The following NALF1 variants were observed in gnomAD, a reference collection of about 807,000 sequenced individuals.
NALF1 encodes family with sequence similarity 155 member A.
Under a neutral mutation model 48.4 loss-of-function variants are expected in NALF1, and 3 were observed. That is an observed-to-expected ratio of 0.06 (90% CI 0.03 to 0.16). NALF1 has a LOEUF of 0.16. Ranked by LOEUF, NALF1 falls within the 10% of genes least tolerant of loss-of-function variation. NALF1 has a pLI of 1.00. For missense variants in NALF1, 526 were observed against 571.5 expected, an observed-to-expected ratio of 0.92 and a Z score of 0.81; for synonymous variants, 262 against 245.7, an observed-to-expected ratio of 1.07 and a Z score of -0.62.
intron 1 of NALF1, among the ~76,000 whole-genome samples, chr13:107,545,428 T>C (rs1877110599): frequency 6.6e-6 from 1 of 152,140 alleles, no homozygotes. Flanking sequence ...ATTTCTGTTG[T>C]TTTCAGCCAC....
At chr13:107,251,753 A>C (rs1380854681) in intron 1 of NALF1, among the ~76,000 whole-genome samples, 1 of 152,180 alleles carries the variant, frequency 6.6e-6, no homozygotes, top group Admixed American at 6.6e-5. Context: ...TTTCCTAGCC[A>C]TGTTTAAGTG....
At chr13:107,694,515 G>A (rs1365787556) in intron 1 of NALF1, among the ~76,000 whole-genome samples, 2 of 152,058 alleles carry the variant, frequency 1.3e-5, no homozygotes, top group African/African-American at 4.8e-5. Flanking sequence ...CTTGGGGTGG[G>A]AGGTGGAGAT....
intron 1 of NALF1, among the ~76,000 whole-genome samples, chr13:107,818,781 A>G (rs1000643473): frequency 2.9e-5 from 4 of 137,878 alleles, no homozygotes. Context: ...CTGAGGCAGG[A>G]GAATGACGTG....
chr13:107,493,848 C>T (rs770291818), intron 1 of NALF1, among the ~76,000 whole-genome samples: 20 of 152,126 alleles, frequency 1.3e-4, no homozygotes, highest in Non-Finnish European at 1.9e-4. Flanking sequence ...TATAATTGCA[C>T]CATTGGACTC....
At chr13:107,482,475 G>A (rs1885268947) in intron 1 of NALF1, among the ~76,000 whole-genome samples, 1 of 152,034 alleles carries the variant, frequency 6.6e-6, no homozygotes, top group Non-Finnish European at 1.5e-5. Context: ...CGACAGCAAA[G>A]GAGAAAACTC....
chr13:107,866,393 C>A lies in NALF1; in HGVS notation c.204G>T (p.Arg68=). ...GCTGCTGCTGCTGGTGCTCCTTGTC[C>A]CGGGCCCGGGTCAGCTTGGCCTCGG... is the stretch of plus-strand genomic sequence containing the variant. ...FCAEAKLTRA[R]DKEHQQQQRQ... The change falls in exon 1 of 3, where the codon CGG becomes CGT. Residue 68 remains arginine, a synonymous_variant. Coordinates refer to ENST00000375915, the MANE Select transcript of NALF1 (RefSeq NM_001080396.3). This position sits in a 1 kb window ranked among gnomAD's most constrained non-coding sequence, Gnocchi z 4.4. 6.2e-7 allele frequency: 1 copy of A among 1,613,844 alleles called. No individual in the cohort carries two copies. The highest frequency in any genetic ancestry group is 8.5e-7 in the Non-Finnish European group (1 of 1,180,026).
intron 1 of NALF1, among the ~76,000 whole-genome samples, chr13:107,416,476 G>A (rs1188631087): frequency 6.6e-6 from 1 of 151,996 alleles, no homozygotes; most frequent in Non-Finnish European, 1.5e-5. Flanking sequence ...AACACTAGGA[G>A]GATGAAGACC....
At chr13:107,288,605 C>T (rs1881552161) in intron 1 of NALF1, among the ~76,000 whole-genome samples, 1 of 148,190 alleles carries the variant, frequency 6.7e-6, no homozygotes, top group South Asian at 2.1e-4. Context: ...GATCTCTGCT[C>T]CCTGCAACCT....
chr13:107,354,981 G>A (rs575162510), intron 1 of NALF1, among the ~76,000 whole-genome samples: 13 of 152,318 alleles, frequency 8.5e-5, no homozygotes, highest in Middle Eastern at 3.4e-3. Context: ...TCAAGGTTTG[G>A]AGAGGACTAA....
intron 1 of NALF1, among the ~76,000 whole-genome samples, chr13:107,281,387 C>T (rs1881383205): frequency 6.6e-6 from 1 of 152,110 alleles, no homozygotes; most frequent in Admixed American, 6.5e-5. Flanking sequence ...TGAGCTGATC[C>T]TTTAGCAATT....
chr13:107,818,601 G>A (rs985636592), intron 1 of NALF1, among the ~76,000 whole-genome samples: 13 of 147,480 alleles, frequency 8.8e-5, no homozygotes, highest in East Asian at 2.3e-4. Flanking sequence ...GGCCGGGCGC[G>A]GTGGCTCACG....
intron 1 of NALF1, among the ~76,000 whole-genome samples, chr13:107,453,734 T>A (rs540999485): frequency 2.0e-5 from 3 of 152,344 alleles, no homozygotes; most frequent in Admixed American, 1.3e-4. Flanking sequence ...TACCACATCA[T>A]CAGGCTGCAA....
intron 1 of NALF1, among the ~76,000 whole-genome samples, chr13:107,266,645 T>C (rs1022873): frequency 0.27 from 41,396 of 152,064 alleles, 7,055 homozygotes; most frequent in South Asian, 0.51. Context: ...AAACTATGAA[T>C]ACAGAAGTAC....
At chr13:107,568,897 T>C (rs1877897312) in intron 1 of NALF1, among the ~76,000 whole-genome samples, 1 of 152,216 alleles carries the variant, frequency 6.6e-6, no homozygotes, top group South Asian at 2.1e-4. Context: ...TTTATCTTTA[T>C]AACAGTCTTT....
At chr13:107,174,962 C>T (rs1347632249) in intron 2 of NALF1, among the ~76,000 whole-genome samples, 1 of 150,548 alleles carries the variant, frequency 6.6e-6, no homozygotes, top group South Asian at 2.1e-4. Context: ...CGGCTCACTG[C>T]AAGCTCCGCC....
chr13:107,741,337 A>G (rs1876627048), intron 1 of NALF1, among the ~76,000 whole-genome samples: 1 of 152,230 alleles, frequency 6.6e-6, no homozygotes, highest in South Asian at 2.1e-4. Context: ...TTTGCCAAAG[A>G]AAACAATGAT....
At chr13:107,642,774 T>C (rs1200866623) in intron 1 of NALF1, among the ~76,000 whole-genome samples, 1 of 152,188 alleles carries the variant, frequency 6.6e-6, no homozygotes, top group Admixed American at 6.5e-5. Context: ...AACATAGCTA[T>C]AGCACATTGT....
At chr13:107,856,314 G>A (rs1048181897) in intron 1 of NALF1, among the ~76,000 whole-genome samples, 2 of 152,162 alleles carry the variant, frequency 1.3e-5, no homozygotes, top group Non-Finnish European at 2.9e-5. Flanking sequence ...GAAACCAATG[G>A]AGAAAGGTCA....
intron 1 of NALF1, among the ~76,000 whole-genome samples, chr13:107,313,805 T>C (rs1291764088): frequency 6.6e-6 from 1 of 152,172 alleles, no homozygotes; most frequent in Non-Finnish European, 1.5e-5. Flanking sequence ...GTCTATTATC[T>C]GTGACCTGGA....
Sources: allele counts gnomAD v4.1 joint callset (sites outside exome capture counted in the v4.1 genomes callset), GRCh38; gene constraint gnomAD v4.1.1; non-coding constraint Gnocchi (gnomAD v3.1); transcripts MANE v1.5; gene names NCBI Gene and HGNC (gene_info 2026-07-23, HGNC 2026-07-21).